Variants in PROM1 observed in about 807,000 individuals in gnomAD.
PROM1 encodes prominin-1.
A neutral mutation model predicts 116.9 loss-of-function variants in PROM1; 105 were observed. The ratio of observed to expected loss-of-function variants is 0.90; its 90% CI spans 0.77 to 1.06. The LOEUF (loss-of-function observed/expected upper bound fraction) is 1.06, where lower values mean the gene tolerates loss of function less well. PROM1 is among the 50% of genes least tolerant of loss of function. The pLI is 0.00. For missense variants in PROM1, 1,122 were observed against 1,045.2 expected, an observed-to-expected ratio of 1.07 and a Z score of -1.01; for synonymous variants, 393 against 387.0, an observed-to-expected ratio of 1.02 and a Z score of -0.18.
chr4:16,068,980 A>G (rs1398487657), intron 2 of PROM1, among the ~76,000 whole-genome samples: 1 of 152,238 alleles, frequency 6.6e-6, no homozygotes, highest in African/African-American at 2.4e-5. Context: ...CATGCCTGTA[A>G]TCCTAGCACT....
intron 2 of PROM1, among the ~76,000 whole-genome samples, chr4:16,067,126 G>A (rs115533902): frequency 0.013 from 1,939 of 152,276 alleles, 42 homozygotes; most frequent in African/African-American, 0.044. Context: ...CACTGGGGAC[G>A]TCAAATGAAA....
At chr4:16,074,554 A>T (rs1013650521) in intron 2 of PROM1, among the ~76,000 whole-genome samples, 3 of 152,196 alleles carry the variant, frequency 2.0e-5, no homozygotes, top group African/African-American at 7.2e-5. Flanking sequence ...CATAAACAGT[A>T]AGTAGCATTC....
At chr4:15,974,409 G>A (rs1272160824) in intron 26 of PROM1, among the ~76,000 whole-genome samples, 1 of 152,154 alleles carries the variant, frequency 6.6e-6, no homozygotes, top group Non-Finnish European at 1.5e-5. Context: ...CAGTGTGCGT[G>A]TGTGTGTTTA....
chr4:16,032,290 G>T (rs1441211490), intron 5 of PROM1, among the ~76,000 whole-genome samples: 2 of 152,046 alleles, frequency 1.3e-5, no homozygotes, highest in Non-Finnish European at 2.9e-5. Flanking sequence ...TCCAATGAGT[G>T]GTCACCCTAA....
At chr4:16,021,382 AC>A (rs1488184691) in intron 8 of PROM1, among the ~76,000 whole-genome samples, 1 of 152,184 alleles carries the variant, frequency 6.6e-6, no homozygotes, top group African/African-American at 2.4e-5. Flanking sequence ...CCCAGCCTTC[AC>A]TGTTACTTAA....
chr4:16,043,814 C>T (rs1476970574), intron 2 of PROM1, among the ~76,000 whole-genome samples: 2 of 152,210 alleles, frequency 1.3e-5, no homozygotes, highest in East Asian at 3.9e-4. Context: ...ATAGCTCTGA[C>T]TGCCAGCCTC....
intron 1 of PROM1, chr4:16,080,420 G>A (rs1744828051): frequency 1.3e-5 from 2 of 151,182 alleles, no homozygotes; most frequent in Admixed American, 6.6e-5. Context: ...TACTCGGGAG[G>A]CTGAGGCAGG....
At chr4:16,061,985 G>A (rs1360524807) in intron 2 of PROM1, among the ~76,000 whole-genome samples, 2 of 150,642 alleles carry the variant, frequency 1.3e-5, no homozygotes, top group East Asian at 2.0e-4. Flanking sequence ...TCCGCCTCCC[G>A]GGTTCACACC....
chr4:16,009,169 T>C, intron 11 of PROM1, 61 bp from the exon 12 acceptor site: 1 of 1,482,464 alleles, frequency 6.7e-7, no homozygotes, highest in Non-Finnish European at 9.3e-7. Flanking sequence ...AAACTTTGTT[T>C]TGGAACCAAA....
At chr4:16,072,604 G>C (rs1743060523) in intron 2 of PROM1, among the ~76,000 whole-genome samples, 1 of 152,222 alleles carries the variant, frequency 6.6e-6, no homozygotes, top group Non-Finnish European at 1.5e-5. Context: ...TTGAAACAAA[G>C]ACAGTAACAG....
intron 27 of PROM1, among the ~76,000 whole-genome samples, chr4:15,970,105 A>C (rs900480398): frequency 6.6e-6 from 1 of 151,848 alleles, no homozygotes; most frequent in Non-Finnish European, 1.5e-5. Context: ...AGCTGGGACT[A>C]CAGGCAGGTA....
intron 7 of PROM1, 115 bp downstream of exon 7, chr4:16,024,180 A>G: frequency 1.1e-6 from 1 of 914,680 alleles, no homozygotes; most frequent in Non-Finnish European, 1.7e-6. Flanking sequence ...AAGGCTAGGG[A>G]ATCATCTTTC....
intron 2 of PROM1, among the ~76,000 whole-genome samples, chr4:16,063,573 G>A (rs998253649): frequency 1.3e-5 from 2 of 152,208 alleles, no homozygotes; most frequent in African/African-American, 4.8e-5. Context: ...CCCAGCCTGG[G>A]TGACAGAGTG....
At chr4:16,044,863 A>G (rs1223476962) in intron 2 of PROM1, among the ~76,000 whole-genome samples, 2 of 152,258 alleles carry the variant, frequency 1.3e-5, no homozygotes, top group Non-Finnish European at 2.9e-5. Context: ...ACCAAGTAGA[A>G]CTGACAAGCC....
At chr4:16,069,817 TC>T (rs988381859) in intron 2 of PROM1, among the ~76,000 whole-genome samples, 1 of 152,150 alleles carries the variant, frequency 6.6e-6, no homozygotes. Flanking sequence ...CAGAATACAT[TC>T]AGAACGACTC....
At chr4:15,998,010 A>C (rs113817680) in intron 15 of PROM1, among the ~76,000 whole-genome samples, 1 of 152,180 alleles carries the variant, frequency 6.6e-6, no homozygotes, top group Non-Finnish European at 1.5e-5. Context: ...CCTTCCCCCT[A>C]TCAGTGATCC....
At chr4:16,053,531 A>C (rs886554540) in intron 2 of PROM1, among the ~76,000 whole-genome samples, 2 of 152,254 alleles carry the variant, frequency 1.3e-5, no homozygotes, top group African/African-American at 4.8e-5. Context: ...GATGATACTT[A>C]AGAGTAAAAT....
At chr4:15,998,320 G>A in intron 15 of PROM1, 65 bp downstream of exon 15, 2 of 1,463,932 alleles carry the variant, frequency 1.4e-6, no homozygotes, top group Non-Finnish European at 1.8e-6. Context: ...CACTTCAAAT[G>A]CAAAATTCTC....
At chr4:16,051,096 T>A (rs184488347) in intron 2 of PROM1, among the ~76,000 whole-genome samples, 1 of 152,218 alleles carries the variant, frequency 6.6e-6, no homozygotes, top group African/African-American at 2.4e-5. Flanking sequence ...GCAGATAATA[T>A]GTGAGCTGCG....
Sources: allele counts gnomAD v4.1 joint callset (sites outside exome capture counted in the v4.1 genomes callset), GRCh38; gene constraint gnomAD v4.1.1; transcripts MANE v1.5; gene names NCBI Gene and HGNC (gene_info 2026-07-23, HGNC 2026-07-21).